PKHD1L1: variants seen among roughly 807,000 people sequenced by gnomAD.
The protein encoded by PKHD1L1 is PKHD1 like 1.
In PKHD1L1, 434 loss-of-function variants were observed where a neutral mutation model predicts 462.9. That is an observed-to-expected ratio of 0.94 (90% confidence interval 0.87 to 1.02). The LOEUF (loss-of-function observed/expected upper bound fraction) is 1.02, where lower values mean the gene tolerates loss of function less well. Ranked by LOEUF, PKHD1L1 falls within the 50% of genes least tolerant of loss-of-function variation. PKHD1L1 has a pLI of 0.00. For missense variants in PKHD1L1, 5,202 were observed against 5,096.1 expected, an observed-to-expected ratio of 1.02 and a Z score of -0.63; for synonymous variants, 1,781 against 1,750.0, an observed-to-expected ratio of 1.02 and a Z score of -0.44.
Position 109,475,368 on chromosome 8 carries a change from T to C in PKHD1L1, c.8757+99T>C, listed in dbSNP as rs563642884. ...CAGACATTGTCAGGCCAGAGGGACT[T>C]TCATCACAAATTGAGCTATTGAAAT... On this transcript the variant is annotated intron_variant, in intron 51 of 77. Transcript: ENST00000378402. 12 of 1,007,378 alleles carry C rather than the reference T, an allele frequency of 1.2e-5. No individual in the cohort carries two copies. In the East Asian group the frequency reaches 1.5e-4, roughly 12 times the overall value. The allele number at this position is 1,007,378 out of a possible 1,614,324, so 62.4% of individuals were successfully genotyped here.
At chr8:109,471,262 C>T in intron 50 of PKHD1L1, 2 of 487,914 alleles carry the variant, frequency 4.1e-6, no homozygotes, top group Non-Finnish European at 6.8e-6. Flanking sequence ...AAAATCCAGA[C>T]TTTCTTTTTC....
Position 109,483,020 on chromosome 8 carries a change from C to T in PKHD1L1, c.9491C>T (p.Pro3164Leu), listed in dbSNP as rs185864245. The T allele has an allele frequency of 3.1e-6, 5 of 1,594,402 alleles. No homozygotes were observed. The African/African-American group carries it at 5.4e-5, about 17-fold the overall frequency. Residue 3164 changes from proline to leucine, a missense_variant, in exon 57 of 78, where the codon CCA (proline) becomes CTA (leucine). Transcript: ENST00000378402. ...GGTGAGCTGGATCTTCATGGAATTC[C>T]ACATTCAATATATAAAACTAAGCTC... Reference protein sequence around the residue: ...VFGELDLHGIPHSIYKTKLSE... With the variant: ...VFGELDLHGILHSIYKTKLSE...
rs199807205 is a variant in PKHD1L1, at chr8:109,444,925, G to A, written c.5056G>A (p.Val1686Ile). The A allele has an allele frequency of 3.3e-4, 527 of 1,613,968 alleles. 1 individual carries two copies. Among genetic ancestry groups the A allele is most frequent in the Admixed American group, 6.0e-4 (36 of 60,020 alleles). The stretch of plus-strand genomic sequence containing the variant: ...GACCATAAAAGGCTCTGGATTTGCC[G>A]TTTCTTCTGCAGGTGTAAAAGTCCT... ...SVTIKGSGFA[V>I]SSAGVKVLMG... The change falls in exon 38 of 78, where the codon GTT becomes ATT. Residue 1686 changes from valine (V) to isoleucine (I), a missense_variant. Transcript: ENST00000378402.
At chr8:109,438,265 C>A (rs1815551298) in intron 30 of PKHD1L1, 59 bp from the exon 31 acceptor site, 2 of 1,197,494 alleles carry the variant, frequency 1.7e-6, no homozygotes, top group South Asian at 1.7e-5. Context: ...TTCTTTTCAT[C>A]CCTTGCATTT....
chr8:109,465,141 G>A lies in PKHD1L1; in HGVS notation c.8309G>A (p.Trp2770Ter), dbSNP rs757256605. 6.2e-7 allele frequency: 1 copy of A among 1,613,774 alleles called. No homozygotes were observed. Among genetic ancestry groups the A allele is most frequent in the South Asian group, 1.1e-5 (1 of 91,076 alleles). Residue 2770 changes from tryptophan (W) to a stop codon, truncating the protein, a stop_gained, in exon 49 of 78, where the codon TGG (tryptophan) becomes TAG (stop). Transcript: ENST00000378402. LOFTEE classifies it high-confidence loss of function. ...SGVCNDRCGG[W>*]SAKFVDVQYS... ...GTTTGTAATGACAGATGTGGGGGTT[G>A]GAGTGCAAAGTTTGTTGACGTCCAG...
At position 109,532,673 on chromosome 8, in the gene PKHD1L1, A is replaced by C. The variant is rs1821068031; in HGVS notation, c.*2583A>C. On this transcript the variant is annotated 3_prime_UTR_variant, in exon 78 of 78. Transcript: ENST00000378402. Reference sequence around the variant, plus strand: ...TCAAAGTAAGAAACAGAGAATAAAAAGTTAATAAGAATAGCTTCTTGTATT... The same window carrying C: ...TCAAAGTAAGAAACAGAGAATAAAACGTTAATAAGAATAGCTTCTTGTATT... Among the ~76,000 whole-genome samples the C allele has an allele frequency of 6.6e-6, 1 of 151,552 alleles. No individual in the cohort carries two copies. The highest frequency in any genetic ancestry group is 1.9e-4 in the East Asian group (1 of 5,200).
intron 51 of PKHD1L1, 139 bp downstream of exon 51, chr8:109,475,408 G>T: frequency 1.3e-6 from 1 of 751,530 alleles, no homozygotes; most frequent in Non-Finnish European, 2.0e-6. Context: ...CACATTCTTT[G>T]TGAGCCACTC....
chr8:109,463,557 T>C (rs1428144576), intron 48 of PKHD1L1, among the ~76,000 whole-genome samples: 1 of 151,880 alleles, frequency 6.6e-6, no homozygotes, highest in Non-Finnish European at 1.5e-5. Context: ...CTCACATGCA[T>C]GCACACACGC....
chr8:109,383,388 T>C (rs1485509380), intron 4 of PKHD1L1, among the ~76,000 whole-genome samples: 1 of 117,298 alleles, frequency 8.5e-6, no homozygotes, highest in East Asian at 2.2e-4. Flanking sequence ...ATGTATATTA[T>C]ATATTATATA....
chr8:109,366,534 T>C (rs1811239900), intron 2 of PKHD1L1, among the ~76,000 whole-genome samples: 1 of 152,180 alleles, frequency 6.6e-6, no homozygotes, highest in South Asian at 2.1e-4. Flanking sequence ...CTGTACAGCA[T>C]AGAGCATATA....
intron 72 of PKHD1L1, among the ~76,000 whole-genome samples, chr8:109,516,550 A>G (rs1820279304): frequency 6.6e-6 from 1 of 152,050 alleles, no homozygotes; most frequent in Admixed American, 6.6e-5. Context: ...TCAACATGTA[A>G]AATTTGGGGA....
At chr8:109,455,301 G>A (rs138638885) in intron 45 of PKHD1L1, among the ~76,000 whole-genome samples, 1 of 152,292 alleles carries the variant, frequency 6.6e-6, no homozygotes, top group African/African-American at 2.4e-5. Context: ...TCACACCACT[G>A]CGCTCTAGGC....
At chr8:109,386,343 C>T (rs1586405629) in intron 6 of PKHD1L1, among the ~76,000 whole-genome samples, 1 of 152,210 alleles carries the variant, frequency 6.6e-6, no homozygotes, top group East Asian at 1.9e-4. Context: ...AGTGTAGACT[C>T]ATGATTATGG....
intron 77 of PKHD1L1, among the ~76,000 whole-genome samples, chr8:109,527,700 T>A (rs1820889246): frequency 6.6e-6 from 1 of 152,164 alleles, no homozygotes; most frequent in Non-Finnish European, 1.5e-5. Context: ...GATGATATCT[T>A]CTAGAACCTC....
At chr8:109,438,812 A>G (rs904727060) in intron 31 of PKHD1L1, 85 bp from the exon 32 acceptor site, 5 of 1,042,478 alleles carry the variant, frequency 4.8e-6, no homozygotes, top group Non-Finnish European at 5.5e-6. Flanking sequence ...AAGATGAGAG[A>G]TGAATTGATT....
chr8:109,477,360 G>C lies in PKHD1L1; in HGVS notation c.9053G>C (p.Arg3018Thr). The change falls in exon 53 of 78, where the codon AGA (arginine) becomes ACA (threonine). Residue 3018 changes from arginine to threonine, a missense_variant. Physicochemically the swap from Arg to Thr is moderately conservative, Grantham distance 71 (BLOSUM62 -1). Coordinates refer to ENST00000378402, the MANE Select transcript of PKHD1L1 (RefSeq NM_177531.6). ...QDCFPVHPPS[R>T]KPIPKKRPAT... ...TGCTTTCCTGTACATCCGCCATCAA[G>C]AAAACCAATTCCCAAGAAGCGACCA... is the stretch of plus-strand genomic sequence containing the variant. 3.1e-6 allele frequency: 5 copies of C among 1,613,252 alleles called. No homozygotes were observed. The highest frequency in any genetic ancestry group is 4.2e-6 in the Non-Finnish European group (5 of 1,179,576).
chr8:109,378,605 G>A (rs1238264509), intron 2 of PKHD1L1, among the ~76,000 whole-genome samples: 2 of 152,078 alleles, frequency 1.3e-5, no homozygotes, highest in African/African-American at 4.8e-5. Flanking sequence ...ACATCTTCAT[G>A]GTATCACCTC....
chr8:109,429,486 A>T (rs779039233), intron 26 of PKHD1L1, 24 bp downstream of exon 26: 2 of 1,590,374 alleles, frequency 1.3e-6, no homozygotes, highest in Non-Finnish European at 1.7e-6. Context: ...TTTTCTCATG[A>T]TGCTTAATGT....
At chr8:109,363,922 A>C (rs1032583035) in intron 1 of PKHD1L1, among the ~76,000 whole-genome samples, 1 of 152,190 alleles carries the variant, frequency 6.6e-6, no homozygotes, top group Non-Finnish European at 1.5e-5. Flanking sequence ...AGCCTTTGGA[A>C]AGTTAGGACT....
Sources: gnomAD v4.1 joint callset for allele counts (sites outside exome capture counted in the v4.1 genomes callset) on GRCh38, gnomAD v4.1.1 for gene constraint, MANE v1.5 for transcripts, NCBI Gene and HGNC (gene_info 2026-07-23, HGNC 2026-07-21) for gene names.